The following RFX7 variants were observed in gnomAD, a reference collection of about 807,000 sequenced individuals.
RFX7 encodes regulatory factor X7.
Under a neutral mutation model 111.8 loss-of-function variants are expected in RFX7, and 26 were observed. That is an observed-to-expected ratio of 0.23 (90% CI 0.17 to 0.32). The LOEUF (loss-of-function observed/expected upper bound fraction) is 0.32, where lower values mean the gene tolerates loss of function less well. Among genes scored for constraint, RFX7 ranks in the 10% least tolerant of loss-of-function variants. RFX7 has a pLI of 1.00. For missense variants in RFX7, 1,573 were observed against 1,772.9 expected, an observed-to-expected ratio of 0.89 and a Z score of 2.02; for synonymous variants, 624 against 624.4, an observed-to-expected ratio of 1.00 and a Z score of 0.01.
At chr15:56,206,639 T>C (rs1319162308) in intron 2 of RFX7, among the ~76,000 whole-genome samples, 14 of 152,044 alleles carry the variant, frequency 9.2e-5, no homozygotes, top group Admixed American at 8.5e-4. Context: ...ATGTGGTACA[T>C]ATACACAATG....
intron 2 of RFX7, among the ~76,000 whole-genome samples, chr15:56,242,107 G>T (rs1377441729): frequency 2.0e-5 from 3 of 152,088 alleles, no homozygotes; most frequent in Admixed American, 1.3e-4. Flanking sequence ...TTCAATGATG[G>T]CCCTGCAAAG....
At chr15:56,138,278 G>A in intron 5 of RFX7, among the ~76,000 whole-genome samples, 4 of 145,784 alleles carry the variant, frequency 2.7e-5, no homozygotes, top group African/African-American at 1.0e-4. Flanking sequence ...CTCAGGACTT[G>A]CTTTATGAAT....
chr15:56,235,129 T>C (rs1596028450), intron 2 of RFX7, among the ~76,000 whole-genome samples: 1 of 151,364 alleles, frequency 6.6e-6, no homozygotes, highest in African/African-American at 2.4e-5. Context: ...TTATGGATAG[T>C]GCAAATTGAA....
intron 5 of RFX7, among the ~76,000 whole-genome samples, chr15:56,131,177 C>CA (rs1395038612): frequency 6.6e-6 from 1 of 150,900 alleles, no homozygotes; most frequent in African/African-American, 2.4e-5. Flanking sequence ...CTAAATAATA[C>CA]ACTTGAAAAC....
At chr15:56,185,246 T>C (rs1182926577) in intron 2 of RFX7, among the ~76,000 whole-genome samples, 1 of 152,190 alleles carries the variant, frequency 6.6e-6, no homozygotes. Context: ...TTAAACTATC[T>C]ACTACTCACC....
intron 7 of RFX7, 76 bp downstream of exon 7, chr15:56,102,093 G>A: frequency 1.9e-6 from 2 of 1,061,278 alleles, no homozygotes; most frequent in Non-Finnish European, 2.8e-6. Context: ...AACCAAATGA[G>A]ACTTTGCAGG....
intron 5 of RFX7, among the ~76,000 whole-genome samples, chr15:56,137,081 TTTG>T (rs1390694346): frequency 6.6e-6 from 1 of 152,214 alleles, no homozygotes; most frequent in Non-Finnish European, 1.5e-5. Flanking sequence ...AAATTCTTTT[TTTG>T]TTATGTCTCT....
intron 3 of RFX7, among the ~76,000 whole-genome samples, chr15:56,154,419 G>C (rs1252736823): frequency 2.6e-5 from 4 of 152,180 alleles, no homozygotes; most frequent in African/African-American, 9.7e-5. Context: ...CATGGTACTG[G>C]TGCCAAAACA....
Position 56,193,541 on chromosome 15 carries a change from T to C in RFX7, c.162-14238A>G, listed in dbSNP as rs1433454322. ...AACTTTTACAAAAATTTTAATTAAATAGTATCAGTCTGGTATTTTGGTATT... is the reference window on the plus strand; with the variant it reads ...AACTTTTACAAAAATTTTAATTAAACAGTATCAGTCTGGTATTTTGGTATT... On this transcript the variant is annotated intron_variant, in intron 2 of 9. Transcript: ENST00000559447. Among the ~76,000 whole-genome samples the C allele has an allele frequency of 3.9e-5, 6 of 152,184 alleles. No individual in the cohort carries two copies. In the South Asian group the frequency reaches 1.2e-3, roughly 32 times the overall value.
In RFX7 at chr15:56,142,873, C is replaced by G; in HGVS notation, c.306G>C (p.Arg102=). 6.2e-7 allele frequency: 1 copy of G among 1,613,538 alleles called. No individual in the cohort carries two copies. The highest frequency in any genetic ancestry group is 8.5e-7 in the Non-Finnish European group (1 of 1,179,700). The change falls in exon 5 of 10, where the codon CGG becomes CGC. Residue 102 remains arginine, a synonymous_variant. Transcript: ENST00000559447. ...KSDQNAMSSS[R]AQQMHAFSWI... Reference sequence around the variant, plus strand: ...AGGAAAAGGCATGCATTTGTTGTGCCCGACTAGATGACATGGCATTCTGAT... The same window carrying G: ...AGGAAAAGGCATGCATTTGTTGTGCGCGACTAGATGACATGGCATTCTGAT...
Position 56,093,052 on chromosome 15 carries a change from C to A in RFX7, c.*293G>T. 3.4e-6 allele frequency: 1 copy of A among 293,336 alleles called. No homozygotes were observed. Among genetic ancestry groups the A allele is most frequent in the South Asian group, 9.1e-5 (1 of 11,018 alleles). 18.2% of individuals were successfully genotyped at this position (293,336 alleles called of 1,614,324 possible). ...TCTGATGAAATGAAACTAACTTACA[C>A]AAAATAAAGATCGACTGCTCTTGTA... is the stretch of plus-strand genomic sequence containing the variant. On this transcript the variant is annotated 3_prime_UTR_variant, in exon 10 of 10. Coordinates refer to ENST00000559447, the MANE Select transcript of RFX7 (RefSeq NM_022841.7).
chr15:56,222,058 T>C (rs1157732816), intron 2 of RFX7, among the ~76,000 whole-genome samples: 5 of 152,228 alleles, frequency 3.3e-5, no homozygotes, highest in African/African-American at 1.2e-4. Flanking sequence ...GAAAGTCTGA[T>C]GGTGATGAAT....
At chr15:56,197,758 A>G (rs924160384) in intron 2 of RFX7, among the ~76,000 whole-genome samples, 25 of 152,280 alleles carry the variant, frequency 1.6e-4, no homozygotes, top group African/African-American at 5.3e-4. Flanking sequence ...TACAAACTAT[A>G]TATTTGAACC....
In RFX7 at chr15:56,096,241, C is replaced by G. The variant is rs756035658; in HGVS notation, c.1487G>C (p.Ser496Thr). Residue 496 changes from serine to threonine, a missense_variant, in exon 10 of 10, where the codon AGC becomes ACC. Ser to Thr is a moderately conservative substitution (Grantham distance 58). Around this residue, in one of 7 missense-constraint regions of RFX7, gnomAD observed 625 missense variants for 632.2 expected, o/e 0.99. Coordinates refer to ENST00000559447, the MANE Select transcript of RFX7 (RefSeq NM_022841.7). ...TTCTTCTGTTGTTCCTGTAGCACTG[C>G]TGACTGAGGCAGAATGTTTAAGAGG... Reference protein sequence around the residue: ...NTPLKHSASVSSATGTTEESR... With the variant: ...NTPLKHSASVTSATGTTEESR... The G allele has an allele frequency of 1.9e-6, 3 of 1,613,832 alleles. No individual in the cohort carries two copies. Among genetic ancestry groups the G allele is most frequent in the East Asian group, 4.5e-5 (2 of 44,900 alleles).
chr15:56,218,006 A>T (rs972276267), intron 2 of RFX7, among the ~76,000 whole-genome samples: 3 of 151,952 alleles, frequency 2.0e-5, no homozygotes, highest in African/African-American at 7.3e-5. Context: ...CTCAGGGGGA[A>T]AAAAAAGAGA....
Position 56,101,384 on chromosome 15 carries a change from T to A in RFX7, c.786A>T (p.Leu262=), listed in dbSNP as rs1304330374. Residue 262 remains leucine (L), a synonymous_variant, in exon 8 of 10, where the codon CTA becomes CTT. Transcript: ENST00000559447. ...HYIGTKSMAA[L]TVMAAAPAGM... ...CTGCTGGTGCTGCTGCCATTACAGTTAGAGCTGCCATTGACTTGGTGCCTA... is the reference window on the plus strand; with the variant it reads ...CTGCTGGTGCTGCTGCCATTACAGTAAGAGCTGCCATTGACTTGGTGCCTA... 2 of 1,602,182 alleles carry A rather than the reference T, an allele frequency of 1.2e-6. No individual in the cohort carries two copies. Among genetic ancestry groups the A allele is most frequent in the Admixed American group, 3.5e-5 (2 of 57,862 alleles).
At chr15:56,106,488 T>G (rs1274261908) in intron 5 of RFX7, among the ~76,000 whole-genome samples, 2 of 152,136 alleles carry the variant, frequency 1.3e-5, no homozygotes, top group African/African-American at 4.8e-5. Flanking sequence ...CTAGAATAGG[T>G]TCTCAATTTC....
chr15:56,177,745 T>C (rs1413518081), intron 3 of RFX7, among the ~76,000 whole-genome samples: 1 of 152,132 alleles, frequency 6.6e-6, no homozygotes, highest in Non-Finnish European at 1.5e-5. Context: ...GTGTCTGTCT[T>C]GCTTACCACT....
intron 2 of RFX7, among the ~76,000 whole-genome samples, chr15:56,200,726 G>A (rs1169097742): frequency 1.3e-5 from 2 of 152,054 alleles, no homozygotes; most frequent in Non-Finnish European, 2.9e-5. Flanking sequence ...TTGAATGAGG[G>A]AGTCGGAGGT....
Sources: gnomAD v4.1 joint callset for allele counts (sites outside exome capture counted in the v4.1 genomes callset) on GRCh38, gnomAD v4.1.1 for gene constraint, gnomAD v4.1.1 regional missense constraint, MANE v1.5 for transcripts, NCBI Gene and HGNC (gene_info 2026-07-23, HGNC 2026-07-21) for gene names.